The following CCDC141 variants were observed in gnomAD, a reference collection of about 807,000 sequenced individuals.
The protein encoded by CCDC141 is coiled-coil domain-containing protein 141.
CCDC141 carries 168 observed loss-of-function variants against 181.0 expected under a neutral mutation model. The ratio of observed to expected loss-of-function variants is 0.93; its 90% CI spans 0.82 to 1.05. CCDC141 has a LOEUF of 1.05. Ranked by LOEUF, CCDC141 falls within the 50% of genes least tolerant of loss-of-function variation. The pLI is 0.00. For synonymous variants in CCDC141, 666 were observed against 642.3 expected (o/e 1.04, Z -0.56); for missense variants, 1,902 against 1,788.5 (o/e 1.06, Z -1.14).
intron 21 of CCDC141, among the ~76,000 whole-genome samples, chr2:178,847,018 C>T (rs1162776134): frequency 2.0e-5 from 3 of 152,176 alleles, no homozygotes; most frequent in African/African-American, 7.2e-5. Context: ...ATACAAACAC[C>T]TGTAAAGTGC....
chr2:178,825,620 C>G (rs924340651), downstream of CCDC141: 5 of 110,588 alleles, frequency 4.5e-5, no homozygotes, highest in African/African-American at 1.7e-4. Context: ...GCCCCCCACC[C>G]CCCACCCCCC....
chr2:178,998,697 T>C (rs1692397209), intron 2 of CCDC141, among the ~76,000 whole-genome samples: 1 of 152,138 alleles, frequency 6.6e-6, no homozygotes, highest in Non-Finnish European at 1.5e-5. Flanking sequence ...CTCTGATTTT[T>C]CTTCTGTTTT....
intron 2 of CCDC141, among the ~76,000 whole-genome samples, chr2:178,986,171 T>C (rs969359124): frequency 3.9e-5 from 6 of 152,092 alleles, no homozygotes; most frequent in African/African-American, 1.4e-4. Flanking sequence ...TATACGCAAA[T>C]CAATAAATGT....
At chr2:178,985,055 C>A (rs1403293422) in intron 2 of CCDC141, among the ~76,000 whole-genome samples, 1 of 151,440 alleles carries the variant, frequency 6.6e-6, no homozygotes, top group African/African-American at 2.4e-5. Context: ...AAATTGACCA[C>A]ATACTTGGAA....
intron 10 of CCDC141, 100 bp from the exon 11 acceptor site, chr2:178,885,192 G>T (rs1575169057): frequency 3.1e-6 from 2 of 653,006 alleles, no homozygotes. Flanking sequence ...ATCACTAATT[G>T]AACTTATACC....
intron 4 of CCDC141, among the ~76,000 whole-genome samples, chr2:178,964,785 A>G (rs1690552693): frequency 6.6e-6 from 1 of 152,208 alleles, no homozygotes; most frequent in Admixed American, 6.5e-5. Context: ...GTCTAGATAT[A>G]CTGTGACCTT....
Position 178,944,561 on chromosome 2 carries a change from G to T in CCDC141, c.871C>A (p.Gln291Lys). Residue 291 changes from glutamine (Q) to lysine (K), a missense_variant, in exon 6 of 24, where the codon CAA becomes AAA. By Grantham distance (53) the Gln-to-Lys change is moderately conservative (BLOSUM62 1). Transcript: ENST00000443758. ...LSDNEDRIHK[Q>K]EELIIKAKEW... Reference sequence around the variant, plus strand: ...TTTGCTTTTATTATCAGTTCCTCTTGCTTATGAATTCGATCCTCATTGTCT... The same window carrying T: ...TTTGCTTTTATTATCAGTTCCTCTTTCTTATGAATTCGATCCTCATTGTCT... 6.5e-7 allele frequency: 1 copy of T among 1,526,766 alleles called. No homozygotes were observed. The highest frequency in any genetic ancestry group is 1.2e-5 in the South Asian group (1 of 81,198). The allele number at this position is 1,526,766 out of a possible 1,614,324, so 94.6% of individuals were successfully genotyped here.
At chr2:178,983,032 A>G (rs1345726509) in intron 2 of CCDC141, among the ~76,000 whole-genome samples, 1 of 152,198 alleles carries the variant, frequency 6.6e-6, no homozygotes, top group Non-Finnish European at 1.5e-5. Flanking sequence ...AAACAAAAAG[A>G]CAGCAGTAAC....
At chr2:179,036,038 C>T (rs555213368) in intron 2 of CCDC141, among the ~76,000 whole-genome samples, 10 of 152,288 alleles carry the variant, frequency 6.6e-5, no homozygotes, top group Admixed American at 6.5e-4. Context: ...TTTGCCCACT[C>T]TGTGTCATTT....
At chr2:178,993,849 C>T (rs1290572708) in intron 2 of CCDC141, among the ~76,000 whole-genome samples, 2 of 152,154 alleles carry the variant, frequency 1.3e-5, no homozygotes, top group Admixed American at 1.3e-4. Flanking sequence ...AATAAAGGGG[C>T]TACAGGCCCC....
intron 2 of CCDC141, among the ~76,000 whole-genome samples, chr2:179,015,102 ATAAT>A (rs2042414456): frequency 1.1e-4 from 3 of 27,052 alleles, no homozygotes; most frequent in Non-Finnish European, 2.9e-4. Flanking sequence ...ATATATATAT[ATAAT>A]ATATATATAA....
chr2:178,960,986 T>G (rs1018128912), intron 5 of CCDC141, among the ~76,000 whole-genome samples: 1 of 152,228 alleles, frequency 6.6e-6, no homozygotes, highest in Non-Finnish European at 1.5e-5. Flanking sequence ...AATACATTCA[T>G]TCTCAAAACT....
chr2:178,983,989 G>C (rs1217414495), intron 2 of CCDC141, among the ~76,000 whole-genome samples: 2 of 151,188 alleles, frequency 1.3e-5, no homozygotes, highest in Non-Finnish European at 2.9e-5. Flanking sequence ...TCCTCGAGAA[G>C]AGCAACTCCA....
chr2:178,891,131 A>G (rs1478276174), intron 8 of CCDC141, among the ~76,000 whole-genome samples: 1 of 152,228 alleles, frequency 6.6e-6, no homozygotes, highest in East Asian at 1.9e-4. Context: ...GATTAGTTAT[A>G]CATGTTACCT....
intron 6 of CCDC141, among the ~76,000 whole-genome samples, chr2:178,926,279 A>G (rs1174957725): frequency 6.6e-6 from 1 of 152,214 alleles, no homozygotes; most frequent in Non-Finnish European, 1.5e-5. Context: ...AATAGGTAAT[A>G]TTTGATTTAG....
At chr2:178,937,898 G>T (rs1398704979) in intron 6 of CCDC141, among the ~76,000 whole-genome samples, 2 of 152,070 alleles carry the variant, frequency 1.3e-5, no homozygotes, top group Non-Finnish European at 2.9e-5. Context: ...TATGGGGTCA[G>T]TGGTAACATT....
intron 2 of CCDC141, among the ~76,000 whole-genome samples, chr2:178,980,802 T>C (rs1213678832): frequency 6.6e-6 from 1 of 152,214 alleles, no homozygotes; most frequent in Non-Finnish European, 1.5e-5. Context: ...TTGCAATGTA[T>C]ACATACCTCA....
chr2:178,884,842 A>G (rs1686803856), intron 11 of CCDC141, 59 bp downstream of exon 11: 1 of 1,387,128 alleles, frequency 7.2e-7, no homozygotes. Context: ...ATCCCCACAG[A>G]AAGCAAGGAC....
chr2:178,879,311 A>G (rs937805712), intron 11 of CCDC141, among the ~76,000 whole-genome samples: 1 of 152,208 alleles, frequency 6.6e-6, no homozygotes, highest in African/African-American at 2.4e-5. Context: ...TAAACAGGGT[A>G]AGAAATTTCA....
Sources: allele counts gnomAD v4.1 joint callset (sites outside exome capture counted in the v4.1 genomes callset), GRCh38; gene constraint gnomAD v4.1.1; transcripts MANE v1.5; gene names NCBI Gene and HGNC (gene_info 2026-07-23, HGNC 2026-07-21).